Variants in GALNT10 observed in about 807,000 individuals in gnomAD.
The protein encoded by GALNT10 is GalNAc transferase 10.
Under a neutral mutation model 75.0 loss-of-function variants are expected in GALNT10, and 41 were observed. That is an observed-to-expected ratio of 0.55 (90% confidence interval 0.43 to 0.71). The LOEUF is 0.71. Ranked by LOEUF, GALNT10 falls within the 30% of genes least tolerant of loss-of-function variation. GALNT10 has a pLI of 0.00. For synonymous variants in GALNT10, 302 were observed against 313.0 expected, an observed-to-expected ratio of 0.96 and a Z score of 0.37; for missense variants, 727 against 818.5, an observed-to-expected ratio of 0.89 and a Z score of 1.36.
At chr5:154,399,551 C>T (rs1310561682) in intron 7 of GALNT10, among the ~76,000 whole-genome samples, 1 of 152,198 alleles carries the variant, frequency 6.6e-6, no homozygotes, top group African/African-American at 2.4e-5. Flanking sequence ...GCTCCCTGCT[C>T]ATGGCTTATA....
rs1054349656 is a variant in GALNT10 at position 154,377,852 on chromosome 5, G to GA, written c.754+1401dup. Among the ~76,000 whole-genome samples the GA allele has an allele frequency of 2.6e-3, 366 of 139,976 alleles. 2 individuals carry two copies. Among genetic ancestry groups the GA allele is most frequent in the African/African-American group, 8.3e-3 (319 of 38,240 alleles). The allele number at this position is 139,976 out of a possible 152,430, so 91.8% of individuals were successfully genotyped here. ...CTGCATTTACCTCTCATTACTGAAA[G>GA]AAAAAAAAAAAGAAAAAAGCCTCAC... On this transcript the variant is annotated intron_variant, in intron 5 of 11. Transcript: ENST00000297107.
intron 1 of GALNT10, among the ~76,000 whole-genome samples, chr5:154,216,488 C>CAGAT (rs1194483317): frequency 1.3e-5 from 2 of 152,154 alleles, no homozygotes; most frequent in African/African-American, 2.4e-5. Flanking sequence ...TACTTTGAGG[C>CAGAT]AGATGTAAGC....
intron 1 of GALNT10, among the ~76,000 whole-genome samples, chr5:154,283,324 C>T (rs1754068051): frequency 1.4e-5 from 2 of 146,074 alleles, no homozygotes; most frequent in Middle Eastern, 3.8e-3. Context: ...GTGCATGTAC[C>T]TGTAGTCTTA....
chr5:154,193,374 C>T (rs1774890702), intron 1 of GALNT10, among the ~76,000 whole-genome samples: 1 of 152,198 alleles, frequency 6.6e-6, no homozygotes, highest in Non-Finnish European at 1.5e-5. Context: ...GGCTTGGCCC[C>T]CAGTCCGTTG....
chr5:154,301,188 A>T (rs902955932), intron 3 of GALNT10, among the ~76,000 whole-genome samples: 1 of 152,214 alleles, frequency 6.6e-6, no homozygotes, highest in African/African-American at 2.4e-5. Flanking sequence ...GAATTTTTTA[A>T]AAAAATTAAC....
At chr5:154,358,587 C>T (rs1027336938) in intron 4 of GALNT10, among the ~76,000 whole-genome samples, 1 of 152,174 alleles carries the variant, frequency 6.6e-6, no homozygotes, top group Non-Finnish European at 1.5e-5. Context: ...CTCTCCCACA[C>T]ATAGAGCCTC....
chr5:154,303,336 C>T (rs1039162112), intron 3 of GALNT10, among the ~76,000 whole-genome samples: 9 of 151,984 alleles, frequency 5.9e-5, no homozygotes, highest in African/African-American at 2.2e-4. Flanking sequence ...GCTGAGAGTC[C>T]AAGGAGATCA....
chr5:154,356,136 T>C, intron 4 of GALNT10: 1 of 456,252 alleles, frequency 2.2e-6, no homozygotes, highest in Middle Eastern at 3.3e-4. Context: ...CTAAAAAGAT[T>C]ATGTCTGCAA....
At chr5:154,398,445 G>A (rs544277681) in intron 7 of GALNT10, among the ~76,000 whole-genome samples, 1 of 152,324 alleles carries the variant, frequency 6.6e-6, no homozygotes, top group South Asian at 2.1e-4. Context: ...CTCTGCTCCT[G>A]CCTCTTGGGT....
chr5:154,386,372 G>A lies in GALNT10; in HGVS notation c.998G>A (p.Gly333Asp), dbSNP rs144099170. The A allele has an allele frequency of 1.4e-5, 23 of 1,613,960 alleles. No individual in the cohort carries two copies. Among genetic ancestry groups the A allele is most frequent in the Non-Finnish European group, 3.4e-6 (4 of 1,179,996 alleles). ...GATCGGAAGTGGTTCTGGGAACTCG[G>A]CGGGTATGACCCAGGCTTGGAGATC... ...AVDRKWFWELGGYDPGLEIWG... is the reference protein window; with the variant it reads ...AVDRKWFWELDGYDPGLEIWG... The change falls in exon 7 of 12, where the codon GGC becomes GAC. Residue 333 changes from glycine to aspartate, a missense_variant. Physicochemically the swap from Gly to Asp is moderately conservative, Grantham distance 94. Coordinates refer to ENST00000297107, the MANE Select transcript of GALNT10 (RefSeq NM_198321.4).
intron 1 of GALNT10, among the ~76,000 whole-genome samples, chr5:154,248,272 C>CT (rs761666892): frequency 6.6e-6 from 1 of 152,150 alleles, no homozygotes; most frequent in South Asian, 2.1e-4. Context: ...CTAAAATTCT[C>CT]TTTTTTTGTT....
At position 154,222,276 on chromosome 5, in the gene GALNT10, A is replaced by T. The variant is rs556114820; in HGVS notation, c.159+31251A>T. Among the ~76,000 whole-genome samples, 61 of 149,956 alleles carry T rather than the reference A, an allele frequency of 4.1e-4. 1 individual carries two copies. In the South Asian group the frequency reaches 0.011, roughly 27 times the overall value. On this transcript the variant is annotated intron_variant, in intron 1 of 11. Coordinates refer to ENST00000297107, the MANE Select transcript of GALNT10 (RefSeq NM_198321.4). Reference sequence around the variant, plus strand: ...CTCAGCATGATGCTTTTTGACATTCATCCATGTTCTTGTGTGTATCAACAG... The same window carrying T: ...CTCAGCATGATGCTTTTTGACATTCTTCCATGTTCTTGTGTGTATCAACAG...
intron 4 of GALNT10, among the ~76,000 whole-genome samples, chr5:154,330,908 GGTGTGTGT>G (rs370103391): frequency 2.6e-4 from 33 of 126,036 alleles, no homozygotes; most frequent in African/African-American, 8.5e-4. Flanking sequence ...AGACAGAGAG[GGTGTGTGT>G]GTGTGTGTGT....
chr5:154,411,750 T>G (rs1456258046), intron 9 of GALNT10, among the ~76,000 whole-genome samples: 1 of 152,192 alleles, frequency 6.6e-6, no homozygotes, highest in African/African-American at 2.4e-5. Flanking sequence ...TCCTCACTTG[T>G]GTTAGTTCAA....
Position 154,397,421 on chromosome 5 carries a change from C to T in GALNT10, c.1057-6683C>T, listed in dbSNP as rs74797381. Among the ~76,000 whole-genome samples, 494 of 152,278 alleles carry T rather than the reference C, an allele frequency of 3.2e-3. 5 individuals are homozygous for T. The highest frequency in any genetic ancestry group is 0.012 in the African/African-American group (479 of 41,554). On this transcript the variant is annotated intron_variant, in intron 7 of 11. Coordinates refer to ENST00000297107, the MANE Select transcript of GALNT10 (RefSeq NM_198321.4). Reference sequence around the variant, plus strand: ...CACAGGACACCATATGGATAGCTCACGGTGTCCTCTGAGCTTCTACATTAC... The same window carrying T: ...CACAGGACACCATATGGATAGCTCATGGTGTCCTCTGAGCTTCTACATTAC...
intron 3 of GALNT10, among the ~76,000 whole-genome samples, chr5:154,315,126 C>CAAA (rs141178404): frequency 6.6e-6 from 1 of 150,624 alleles, no homozygotes; most frequent in African/African-American, 2.4e-5. Context: ...TTTTCACAAT[C>CAAA]AAAAAAAAAT....
chr5:154,369,792 C>T (rs1755537130), intron 4 of GALNT10, among the ~76,000 whole-genome samples: 1 of 152,206 alleles, frequency 6.6e-6, no homozygotes, highest in Non-Finnish European at 1.5e-5. Context: ...CCCCAGCAGC[C>T]AGAGAACCAA....
intron 7 of GALNT10, among the ~76,000 whole-genome samples, chr5:154,394,290 G>C (rs1582009058): frequency 6.9e-6 from 1 of 145,058 alleles, no homozygotes; most frequent in African/African-American, 2.6e-5. Context: ...TGAAAGGCTA[G>C]CCCAGTCCCA....
At chr5:154,218,276 C>T (rs570933310) in intron 1 of GALNT10, 49 of 263,512 alleles carry the variant, frequency 1.9e-4, no homozygotes, top group African/African-American at 1.1e-3. Flanking sequence ...CAGAGATTCT[C>T]ATTGAATTCT....
Sources: allele counts gnomAD v4.1 joint callset (sites outside exome capture counted in the v4.1 genomes callset), GRCh38; gene constraint gnomAD v4.1.1; transcripts MANE v1.5; gene names NCBI Gene and HGNC (gene_info 2026-07-23, HGNC 2026-07-21).